The following PLLP variants were observed in gnomAD, a reference collection of about 807,000 sequenced individuals.
PLLP encodes the protein plasmolipin, also known as plasma membrane proteolipid (plasmolipin).
A neutral mutation model predicts 19.7 loss-of-function variants in PLLP; 15 were observed. The observed-to-expected ratio is 0.76, with a 90% CI of 0.51 to 1.17. The LOEUF is 1.17. PLLP is among the 50% of genes most tolerant of loss of function. PLLP has a pLI of 0.00. For synonymous variants in PLLP, 111 were observed against 116.3 expected (o/e 0.95, Z 0.29); for missense variants, 255 against 258.3 (o/e 0.99, Z 0.09).
At chr16:57,281,999 A>T (rs1901225207) in intron 1 of PLLP, among the ~76,000 whole-genome samples, 2 of 152,212 alleles carry the variant, frequency 1.3e-5, no homozygotes, top group Middle Eastern at 3.4e-3. Context: ...AGTCCTTCTA[A>T]CTAGACCTCA....
chr16:57,258,977 T>TCCCACTG (rs1195579882), intron 2 of PLLP, among the ~76,000 whole-genome samples: 1 of 148,952 alleles, frequency 6.7e-6, no homozygotes, highest in Non-Finnish European at 1.5e-5. Flanking sequence ...GCTTCTTGGT[T>TCCCACTG]CCCACTGGCA....
chr16:57,265,661 T>C (rs547007422), intron 1 of PLLP, among the ~76,000 whole-genome samples: 1 of 152,278 alleles, frequency 6.6e-6, no homozygotes, highest in African/African-American at 2.4e-5. Context: ...CCTCCTCAAA[T>C]GTTCTATCTG....
chr16:57,262,779 G>A (rs1191196171), intron 1 of PLLP, among the ~76,000 whole-genome samples: 1 of 152,082 alleles, frequency 6.6e-6, no homozygotes, highest in African/African-American at 2.4e-5. Flanking sequence ...TGGCTCGTGT[G>A]ATACACCACT....
At chr16:57,279,047 A>G (rs1461346437) in intron 1 of PLLP, among the ~76,000 whole-genome samples, 1 of 152,252 alleles carries the variant, frequency 6.6e-6, no homozygotes, top group Non-Finnish European at 1.5e-5. Flanking sequence ...GAGATGCTGC[A>G]AAGGCACCTC....
chr16:57,263,369 G>C (rs1052764460), intron 1 of PLLP: 5 of 152,336 alleles, frequency 3.3e-5, no homozygotes, highest in Admixed American at 1.3e-4. Context: ...GTCTGGCTTC[G>C]ATCCCGGCTC....
chr16:57,260,740 A>T (rs1252963650), intron 2 of PLLP, among the ~76,000 whole-genome samples: 2 of 151,364 alleles, frequency 1.3e-5, no homozygotes, highest in African/African-American at 4.8e-5. Context: ...GGTACTTCCC[A>T]TGTCCGCTCT....
intron 1 of PLLP, among the ~76,000 whole-genome samples, chr16:57,273,827 A>G (rs1901114759): frequency 1.3e-5 from 2 of 152,136 alleles, no homozygotes. Flanking sequence ...CCTTCCACTC[A>G]TAGATGGTTG....
chr16:57,273,044 G>A (rs1901096264), intron 1 of PLLP, among the ~76,000 whole-genome samples: 2 of 151,998 alleles, frequency 1.3e-5, no homozygotes, highest in South Asian at 2.1e-4. Flanking sequence ...GGATCATGAG[G>A]TCAGGAGATC....
chr16:57,266,145 T>C (rs1186739103), intron 1 of PLLP, among the ~76,000 whole-genome samples: 1 of 152,188 alleles, frequency 6.6e-6, no homozygotes, highest in Non-Finnish European at 1.5e-5. Context: ...TTCAGCTGGC[T>C]CTAGGAGCCA....
rs146902190 is a variant in PLLP at position 57,280,691 on chromosome 16, C to G, written c.135+3715G>C. Among the ~76,000 whole-genome samples the G allele has an allele frequency of 2.0e-5, 3 of 152,184 alleles. No homozygotes were observed. The South Asian group carries it at 6.2e-4, about 32-fold the overall frequency. ...CAAATAATCAACAGCCTTAAACTTGCTGCAAGTCAATTCTCCCCTCCACAC... is the reference window on the plus strand; with the variant it reads ...CAAATAATCAACAGCCTTAAACTTGGTGCAAGTCAATTCTCCCCTCCACAC... On this transcript the variant is annotated intron_variant, in intron 1 of 3. Coordinates refer to ENST00000219207, the MANE Select transcript of PLLP (RefSeq NM_015993.3).
At chr16:57,262,496 G>C (rs2075444906) in intron 1 of PLLP, among the ~76,000 whole-genome samples, 1 of 152,100 alleles carries the variant, frequency 6.6e-6, no homozygotes, top group Admixed American at 6.5e-5. Flanking sequence ...AGGTTGCAGT[G>C]AGCTGAGATC....
In PLLP at chr16:57,281,517, C is replaced by CT. The variant is rs771314004; in HGVS notation, c.135+2888dup. On this transcript the variant is annotated intron_variant, in intron 1 of 3. Transcript: ENST00000219207. ...CAACAAGCAGATTTTTTTTTTATTTCTTTTTTTTTTTGAGACGGAGTCTCT... is the reference window on the plus strand; with the variant it reads ...CAACAAGCAGATTTTTTTTTTATTTCTTTTTTTTTTTTGAGACGGAGTCTCT... Among the ~76,000 whole-genome samples, 160 of 130,108 alleles carry CT rather than the reference C, an allele frequency of 1.2e-3. 7 individuals carry two copies. Among genetic ancestry groups the CT allele is most frequent in the East Asian group, 1.4e-3 (6 of 4,266 alleles). The allele number at this position is 130,108 out of a possible 152,430, so 85.4% of individuals were successfully genotyped here.
chr16:57,264,870 T>A (rs2075452370), intron 1 of PLLP, among the ~76,000 whole-genome samples: 1 of 152,046 alleles, frequency 6.6e-6, no homozygotes, highest in Non-Finnish European at 1.5e-5. Context: ...ATAAATAAAA[T>A]TAAAATTAAG....
intron 1 of PLLP, among the ~76,000 whole-genome samples, chr16:57,282,238 T>G (rs112078109): frequency 2.0e-4 from 26 of 131,548 alleles, no homozygotes; most frequent in African/African-American, 5.7e-4. Context: ...CTTTTTTTTT[T>G]TTTGTGTGTG....
chr16:57,283,380 G>A (rs1901242596), intron 1 of PLLP, among the ~76,000 whole-genome samples: 1 of 152,142 alleles, frequency 6.6e-6, no homozygotes, highest in South Asian at 2.1e-4. Flanking sequence ...CCCAGGGTCT[G>A]GCACCAAAGC....
At chr16:57,262,898 A>T (rs1197848194) in intron 1 of PLLP, among the ~76,000 whole-genome samples, 1 of 152,036 alleles carries the variant, frequency 6.6e-6, no homozygotes, top group Non-Finnish European at 1.5e-5. Flanking sequence ...AGCCCTCATC[A>T]GTGCTCACAG....
chr16:57,257,923 A>C (rs1339028848), intron 3 of PLLP, among the ~76,000 whole-genome samples: 1 of 152,164 alleles, frequency 6.6e-6, no homozygotes, highest in Non-Finnish European at 1.5e-5. Context: ...TCACACCTGT[A>C]ATCTCAGCAC....
At chr16:57,257,288 A>G (rs2075428921) in intron 3 of PLLP, among the ~76,000 whole-genome samples, 1 of 152,242 alleles carries the variant, frequency 6.6e-6, no homozygotes, top group Admixed American at 6.5e-5. Flanking sequence ...AGGAGAAGAT[A>G]AGAGTGACAG....
chr16:57,258,412 TG>T, intron 3 of PLLP, 49 bp downstream of exon 3: 1 of 1,592,568 alleles, frequency 6.3e-7, no homozygotes. Flanking sequence ...GCCTGAGTCC[TG>T]GGGCTGAGAC....
Sources: allele counts gnomAD v4.1 joint callset (sites outside exome capture counted in the v4.1 genomes callset), GRCh38; gene constraint gnomAD v4.1.1; transcripts MANE v1.5; gene names NCBI Gene and HGNC (gene_info 2026-07-23, HGNC 2026-07-21).